Variants in VAV2 observed in about 807,000 individuals in gnomAD.
VAV2 encodes vav guanine nucleotide exchange factor 2.
VAV2 carries 67 observed loss-of-function variants against 132.5 expected under a neutral mutation model. That is an observed-to-expected ratio of 0.51 (90% CI 0.42 to 0.62). VAV2 has a LOEUF of 0.62. Ranked by LOEUF, VAV2 falls within the 20% of genes least tolerant of loss-of-function variation. The probability of loss-of-function intolerance (pLI) is 0.00; values close to 1 mark genes in which losing one functional copy is unlikely to be tolerated. For missense variants in VAV2, 938 were observed against 1,153.6 expected, an observed-to-expected ratio of 0.81 and a Z score of 2.71; for synonymous variants, 492 against 443.5, an observed-to-expected ratio of 1.11 and a Z score of -1.37.
intron 13 of VAV2, among the ~76,000 whole-genome samples, chr9:133,789,754 G>A (rs1436235301): frequency 6.6e-6 from 1 of 152,212 alleles, no homozygotes; most frequent in South Asian, 2.1e-4. Flanking sequence ...GGGTGGGGCC[G>A]GGGTCCTGCC....
rs1836662261 is a variant in VAV2, at chr9:133,840,177, G to T, written c.381-5837C>A. Among the ~76,000 whole-genome samples the T allele has an allele frequency of 6.6e-6, 1 of 152,220 alleles. No homozygotes were observed. The highest frequency in any genetic ancestry group is 1.5e-5 in the Non-Finnish European group (1 of 68,044). Reference sequence around the variant, plus strand: ...GAGCAGTCATCCTGGCTCCCCAGGGGCGGCTGCATCCCTCTCCTCCCACCA... The same window carrying T: ...GAGCAGTCATCCTGGCTCCCCAGGGTCGGCTGCATCCCTCTCCTCCCACCA... On this transcript the variant is annotated intron_variant, in intron 3 of 29. Transcript: ENST00000371850. The surrounding 1 kb of genome is among the most constrained non-coding windows in gnomAD (Gnocchi z 4.5).
At chr9:133,909,876 G>A (rs1839814324) in intron 2 of VAV2, among the ~76,000 whole-genome samples, 1 of 152,034 alleles carries the variant, frequency 6.6e-6, no homozygotes, top group Non-Finnish European at 1.5e-5. Context: ...GGATGAGCCT[G>A]CCACTCACTC....
chr9:133,980,279 C>CA (rs1842653054), intron 1 of VAV2, among the ~76,000 whole-genome samples: 1 of 152,226 alleles, frequency 6.6e-6, no homozygotes, highest in Non-Finnish European at 1.5e-5. Context: ...CCTCAACCCC[C>CA]ACACAGCTGC....
intron 4 of VAV2, among the ~76,000 whole-genome samples, chr9:133,821,878 T>TCC (rs906039155): frequency 1.3e-5 from 2 of 151,888 alleles, no homozygotes; most frequent in African/African-American, 4.8e-5. Flanking sequence ...TGACCACCCC[T>TCC]CCTTCCTTCC....
At chr9:133,974,225 G>A (rs1288260741) in intron 1 of VAV2, among the ~76,000 whole-genome samples, 2 of 152,114 alleles carry the variant, frequency 1.3e-5, no homozygotes, top group Non-Finnish European at 2.9e-5. Context: ...CTGCCTGTCT[G>A]CCCGGAGCCA....
intron 26 of VAV2, 117 bp downstream of exon 26, chr9:133,771,842 G>A: frequency 1.0e-6 from 1 of 960,154 alleles, no homozygotes. Flanking sequence ...CCTAAATCTT[G>A]GCCACACTGG....
intron 9 of VAV2, among the ~76,000 whole-genome samples, chr9:133,803,398 C>G (rs1044073309): frequency 1.3e-5 from 2 of 151,692 alleles, no homozygotes; most frequent in Non-Finnish European, 2.9e-5. Context: ...CCCCACTCCC[C>G]GCAGCATGAC....
intron 1 of VAV2, among the ~76,000 whole-genome samples, chr9:133,962,530 C>T (rs1193673203): frequency 6.6e-6 from 1 of 152,114 alleles, no homozygotes; most frequent in Non-Finnish European, 1.5e-5. Context: ...ACCTGGGCTG[C>T]TGCGGGGGTC....
rs1362889093 is a variant in VAV2, at chr9:133,919,125, T to C, written c.321+19978A>G. On this transcript the variant is annotated intron_variant, in intron 2 of 29. Coordinates refer to ENST00000371850, the MANE Select transcript of VAV2 (RefSeq NM_001134398.2). This position sits in a 1 kb window ranked among gnomAD's most constrained non-coding sequence, Gnocchi z 5.8. ...CATCCCATCCTCACACTTTCTTCAC[T>C]GACCTAGCTCCGCCCTCTCCATCAG... Among the ~76,000 whole-genome samples, 3 of 152,260 alleles carry C rather than the reference T, an allele frequency of 2.0e-5. No homozygotes were observed. The highest frequency in any genetic ancestry group is 4.4e-5 in the Non-Finnish European group (3 of 68,018).
At chr9:133,797,653 G>T in intron 10 of VAV2, 57 bp downstream of exon 10, 1 of 1,507,932 alleles carries the variant, frequency 6.6e-7, no homozygotes, top group Non-Finnish European at 9.1e-7. Context: ...AACGAGCTCT[G>T]GCCTGCAAGC....
chr9:133,991,452 C>T lies in VAV2; in HGVS notation c.204+623G>A, dbSNP rs1843014414. On this transcript the variant is annotated intron_variant, in intron 1 of 29. Transcript: ENST00000371850. This position sits in a 1 kb window ranked among gnomAD's most constrained non-coding sequence, Gnocchi z 4.8. ...GGGGGCCAGGACTGGGGCCAAGTGG[C>T]CCTGGGGATCCTCGAGGCGGCTCGA... Among the ~76,000 whole-genome samples, 1 of 150,572 alleles carries T rather than the reference C, an allele frequency of 6.6e-6. No individual in the cohort carries two copies. Among genetic ancestry groups the T allele is most frequent in the Non-Finnish European group, 1.5e-5 (1 of 67,344 alleles).
In VAV2 at chr9:133,826,399, T is replaced by C. The variant is rs1835989133; in HGVS notation, c.449+7873A>G. ...GCAGCTCTCCCTTCAAGGATGCTCC[T>C]GCTCAGATGCTCTCTGGGGAGAAGC... On this transcript the variant is annotated intron_variant, in intron 4 of 29. Transcript: ENST00000371850. This position sits in a 1 kb window ranked among gnomAD's most constrained non-coding sequence, Gnocchi z 4.2. Among the ~76,000 whole-genome samples the C allele has an allele frequency of 6.6e-6, 1 of 152,210 alleles. No homozygotes were observed. The highest frequency in any genetic ancestry group is 6.5e-5 in the Admixed American group (1 of 15,284).
intron 2 of VAV2, among the ~76,000 whole-genome samples, chr9:133,878,511 A>C (rs893860054): frequency 1.3e-5 from 2 of 152,138 alleles, no homozygotes; most frequent in Non-Finnish European, 2.9e-5. Context: ...TAAGGGAGAC[A>C]ACACACTGCC....
chr9:133,798,829 A>C (rs1295773415), intron 9 of VAV2, among the ~76,000 whole-genome samples: 1 of 152,192 alleles, frequency 6.6e-6, no homozygotes, highest in African/African-American at 2.4e-5. Context: ...GCCTCCGTGA[A>C]CTTGCTAGGA....
chr9:133,807,164 G>T, intron 8 of VAV2, 94 bp downstream of exon 8: 1 of 1,402,646 alleles, frequency 7.1e-7, no homozygotes, highest in Non-Finnish European at 9.6e-7. Context: ...CAGGGGTGCA[G>T]CTCTCCAAGG....
At chr9:133,844,025 C>T (rs1241971992) in intron 3 of VAV2, among the ~76,000 whole-genome samples, 1 of 152,196 alleles carries the variant, frequency 6.6e-6, no homozygotes, top group East Asian at 1.9e-4. Context: ...GAGGAGAGAC[C>T]CCACGTGACC....
intron 3 of VAV2, among the ~76,000 whole-genome samples, chr9:133,860,714 C>T (rs942763750): frequency 2.8e-4 from 42 of 152,312 alleles, no homozygotes; most frequent in Non-Finnish European, 4.3e-4. Context: ...CCCAGACACA[C>T]GTCCCCACCC....
In VAV2 at chr9:133,973,291, A is replaced by G. The variant is rs567708803; in HGVS notation, c.204+18784T>C. 3.3e-5 allele frequency among the ~76,000 whole-genome samples: 5 copies of G among 152,304 alleles called. No individual in the cohort carries two copies. The East Asian group carries it at 9.6e-4, about 29-fold the overall frequency. ...CCCTGCATCCTCACACCCACTCTGC[A>G]CAGGAAAAACTGGCGCTGTACCGCG... On this transcript the variant is annotated intron_variant, in intron 1 of 29. Coordinates refer to ENST00000371850, the MANE Select transcript of VAV2 (RefSeq NM_001134398.2).
intron 9 of VAV2, 39 bp downstream of exon 9, chr9:133,806,042 G>GGA: frequency 3.2e-6 from 5 of 1,584,416 alleles, no homozygotes; most frequent in Non-Finnish European, 4.3e-6. Flanking sequence ...CCGCAGACAG[G>GGA]GAGGGGCCAA....
Sources: gnomAD v4.1 joint callset for allele counts (sites outside exome capture counted in the v4.1 genomes callset) on GRCh38, gnomAD v4.1.1 for gene constraint, Gnocchi (gnomAD v3.1) non-coding constraint, MANE v1.5 for transcripts, NCBI Gene and HGNC (gene_info 2026-07-23, HGNC 2026-07-21) for gene names.